CNTN4: variants seen among roughly 807,000 people sequenced by gnomAD.
CNTN4 encodes contactin 4.
Under a neutral mutation model 122.5 loss-of-function variants are expected in CNTN4, and 77 were observed. The observed-to-expected ratio is 0.63, with a 90% CI of 0.52 to 0.76. The LOEUF is 0.76. CNTN4 is among the 30% of genes least tolerant of loss of function. The pLI, the probability that CNTN4 is intolerant of heterozygous loss-of-function variation, is 0.00. For synonymous variants in CNTN4, 512 were observed against 447.0 expected, an observed-to-expected ratio of 1.15 and a Z score of -1.83; for missense variants, 1,256 against 1,259.1, an observed-to-expected ratio of 1.00 and a Z score of 0.04.
Position 3,056,291 on chromosome 3 carries a change from G to A in CNTN4, c.*71G>A, listed in dbSNP as rs774987308. 3.6e-5 allele frequency: 39 copies of A among 1,086,286 alleles called. 1 individual carries two copies. The highest frequency in any genetic ancestry group is 1.2e-4 in the African/African-American group (8 of 64,476). 67.3% of individuals were successfully genotyped at this position (1,086,286 alleles called of 1,614,324 possible). A position where few individuals can be genotyped will look rare whatever the true frequency, so the allele number is the denominator to read the frequency against. On this transcript the variant is annotated 3_prime_UTR_variant, in exon 25 of 25. Transcript: ENST00000418658. ...TAGCTAGTTGTTTTGAAGACACCCA[G>A]TACTAAGTAATATTGTTGTTCAAGT...
chr3:2,906,713 G>T (rs543710518), intron 12 of CNTN4, among the ~76,000 whole-genome samples: 2 of 151,482 alleles, frequency 1.3e-5, no homozygotes, highest in African/African-American at 4.8e-5. Context: ...GCATGGTGGC[G>T]CATGCCTGTA....
At chr3:2,778,087 G>C (rs544529490) in intron 6 of CNTN4, among the ~76,000 whole-genome samples, 1 of 144,996 alleles carries the variant, frequency 6.9e-6, no homozygotes, top group Non-Finnish European at 1.5e-5. Context: ...GGTGGCGGGC[G>C]CCTGTAGTCC....
At chr3:2,273,170 C>A (rs1015489133) in intron 2 of CNTN4, among the ~76,000 whole-genome samples, 1 of 152,134 alleles carries the variant, frequency 6.6e-6, no homozygotes, top group Non-Finnish European at 1.5e-5. Flanking sequence ...CTTAAAAATG[C>A]AGTAAGTAAT....
intron 2 of CNTN4, among the ~76,000 whole-genome samples, chr3:2,191,967 A>C (rs527953081): frequency 4.0e-5 from 6 of 151,414 alleles, no homozygotes; most frequent in Non-Finnish European, 8.8e-5. Flanking sequence ...CCTATGAGTG[A>C]GAACATGCGG....
At chr3:2,715,783 T>A (rs2087458439) in intron 4 of CNTN4, among the ~76,000 whole-genome samples, 1 of 152,290 alleles carries the variant, frequency 6.6e-6, no homozygotes, top group Middle Eastern at 3.4e-3. Flanking sequence ...TGGTATCTCC[T>A]TTTATGAAGA....
intron 3 of CNTN4, among the ~76,000 whole-genome samples, chr3:2,512,038 T>G (rs932593133): frequency 2.0e-5 from 3 of 152,190 alleles, no homozygotes; most frequent in African/African-American, 7.2e-5. Context: ...TAAGTAAAAC[T>G]AATATATATA....
At chr3:2,345,734 T>A (rs2044375029) in intron 3 of CNTN4, among the ~76,000 whole-genome samples, 2 of 152,128 alleles carry the variant, frequency 1.3e-5, no homozygotes, top group Admixed American at 1.3e-4. Flanking sequence ...AGGAAGAGAA[T>A]ATTATGATCG....
rs2077106605 is a variant in CNTN4, at chr3:2,518,578, T to C, written c.-88-52838T>C. On this transcript the variant is annotated intron_variant, in intron 3 of 24. Transcript: ENST00000418658. ...TTTCTCAAGGTATGAAATAAATACC[T>C]CTGGTAGAATGTTTGATAATCTCAG... is the stretch of plus-strand genomic sequence containing the variant. 2.0e-5 allele frequency among the ~76,000 whole-genome samples: 3 copies of C among 152,140 alleles called. No individual in the cohort carries two copies. In the South Asian group the frequency reaches 6.2e-4, roughly 31 times the overall value.
intron 13 of CNTN4, among the ~76,000 whole-genome samples, chr3:2,945,097 C>G (rs2094661656): frequency 6.6e-6 from 1 of 152,098 alleles, no homozygotes; most frequent in Non-Finnish European, 1.5e-5. Flanking sequence ...TTAAGCTGCC[C>G]CATATTCTTG....
At chr3:2,507,500 A>G (rs901390453) in intron 3 of CNTN4, among the ~76,000 whole-genome samples, 1 of 151,888 alleles carries the variant, frequency 6.6e-6, no homozygotes, top group Non-Finnish European at 1.5e-5. Flanking sequence ...CTGGGAGGTG[A>G]TCTTGTGGGC....
chr3:2,312,917 T>C (rs966944566), intron 2 of CNTN4, among the ~76,000 whole-genome samples: 3 of 152,066 alleles, frequency 2.0e-5, no homozygotes, highest in African/African-American at 7.2e-5. Context: ...TTATATGTTA[T>C]TAAGAACATA....
At chr3:3,049,205 C>T (rs558190074) in intron 23 of CNTN4, among the ~76,000 whole-genome samples, 10 of 152,306 alleles carry the variant, frequency 6.6e-5, no homozygotes, top group African/African-American at 2.2e-4. Context: ...GCCTCAGCCT[C>T]CCAAGTAGCT....
chr3:2,721,921 G>A (rs2087880485), intron 4 of CNTN4, among the ~76,000 whole-genome samples: 1 of 152,192 alleles, frequency 6.6e-6, no homozygotes, highest in Non-Finnish European at 1.5e-5. Context: ...CCATGTAAGA[G>A]AAGCCCCAGA....
chr3:2,463,214 A>T (rs2151444968), intron 3 of CNTN4, among the ~76,000 whole-genome samples: 1 of 152,322 alleles, frequency 6.6e-6, no homozygotes, highest in African/African-American at 2.4e-5. Flanking sequence ...TTTTAAAAAA[A>T]AAAAACACTT....
At position 3,040,171 on chromosome 3, in the gene CNTN4, C is replaced by T. The variant is rs759842301; in HGVS notation, c.2298C>T (p.Ser766=). Residue 766 remains serine, a synonymous_variant, in exon 20 of 25, where the codon AGC becomes AGT. Coordinates refer to ENST00000418658, the MANE Select transcript of CNTN4 (RefSeq NM_175607.3). ...DASRYVFRNE[S]VHPFSPFEVK... is the part of the protein sequence containing the mutation. ...CTAGATACGTGTTCAGGAATGAGAGCGTGCACCCCTTCTCTCCCTTTGAGG... is the reference window on the plus strand; with the variant it reads ...CTAGATACGTGTTCAGGAATGAGAGTGTGCACCCCTTCTCTCCCTTTGAGG... 25 of 1,614,106 alleles carry T rather than the reference C, an allele frequency of 1.5e-5. No individual in the cohort carries two copies. The highest frequency in any genetic ancestry group is 5.3e-5 in the African/African-American group (4 of 75,054).
chr3:2,348,694 A>C (rs2150419327), intron 3 of CNTN4, among the ~76,000 whole-genome samples: 1 of 152,280 alleles, frequency 6.6e-6, no homozygotes, highest in South Asian at 2.1e-4. Context: ...TATGTTTTCA[A>C]AACTGGAAGT....
intron 13 of CNTN4, among the ~76,000 whole-genome samples, chr3:2,968,294 T>G (rs539169389): frequency 6.6e-6 from 1 of 152,258 alleles, no homozygotes; most frequent in East Asian, 1.9e-4. Context: ...CTGCTTTGGA[T>G]GTATGCCTAA....
At chr3:3,048,725 T>C (rs915229905) in intron 23 of CNTN4, among the ~76,000 whole-genome samples, 7 of 152,172 alleles carry the variant, frequency 4.6e-5, no homozygotes, top group Admixed American at 1.3e-4. Flanking sequence ...GGCTATTGTT[T>C]ATCTCAGACT....
chr3:2,669,090 A>T (rs1424951064), intron 4 of CNTN4, among the ~76,000 whole-genome samples: 2 of 152,130 alleles, frequency 1.3e-5, no homozygotes, highest in Admixed American at 6.5e-5. Context: ...TGGTATCAGG[A>T]TGATGCTGGC....
Sources: gnomAD v4.1 joint callset for allele counts (sites outside exome capture counted in the v4.1 genomes callset) on GRCh38, gnomAD v4.1.1 for gene constraint, MANE v1.5 for transcripts, NCBI Gene and HGNC (gene_info 2026-07-23, HGNC 2026-07-21) for gene names.